Variants in MMRN2 observed in about 807,000 individuals in gnomAD.
The protein encoded by MMRN2 is multimerin-2.
A neutral mutation model predicts 68.8 loss-of-function variants in MMRN2; 53 were observed. The observed-to-expected ratio is 0.77, with a 90% CI of 0.62 to 0.97. The LOEUF (loss-of-function observed/expected upper bound fraction) is 0.97, where lower values mean the gene tolerates loss of function less well. Ranked by LOEUF, MMRN2 falls within the 50% of genes least tolerant of loss-of-function variation. The pLI is 0.00. For missense variants in MMRN2, 1,266 were observed against 1,259.5 expected, an observed-to-expected ratio of 1.01 and a Z score of -0.08; for synonymous variants, 564 against 551.6, an observed-to-expected ratio of 1.02 and a Z score of -0.32.
intron 1 of MMRN2, among the ~76,000 whole-genome samples, chr10:86,950,129 G>A (rs754584011): frequency 6.6e-6 from 1 of 152,074 alleles, no homozygotes; most frequent in African/African-American, 2.4e-5. Flanking sequence ...GGCGGATCAC[G>A]ACGTCAGGAG....
At chr10:86,954,404 C>T (rs950331115) in intron 1 of MMRN2, 1 of 152,628 alleles carries the variant, frequency 6.6e-6, no homozygotes, top group African/African-American at 2.4e-5. Context: ...CAAGGCCCTT[C>T]CCCCATCATC....
Position 86,943,044 on chromosome 10 carries a change from C to A in MMRN2, c.1740G>T (p.Ala580=), listed in dbSNP as rs1356831537. 6.6e-6 allele frequency: 9 copies of A among 1,359,170 alleles called. No homozygotes were observed. Among genetic ancestry groups the A allele is most frequent in the Non-Finnish European group, 8.5e-6 (9 of 1,060,154 alleles). The allele number at this position is 1,359,170 out of a possible 1,614,324, so 84.2% of individuals were successfully genotyped here. A position where few individuals can be genotyped will look rare whatever the true frequency, so the allele number is the denominator to read the frequency against. Residue 580 remains alanine (A), a synonymous_variant, in exon 6 of 7, where the codon GCG becomes GCT. Transcript: ENST00000372027. The surrounding 1 kb of genome is among the most constrained non-coding windows in gnomAD (Gnocchi z 4.2). ...CCTCGTGGCGGGCCTCGGCCGCGGC[C>A]GCCTTCAGCGCGCCCACCTCGTCAT... ...ALDDEVGALK[A]AAAEARHEVR...
chr10:86,956,489 G>A (rs11816047), intron 1 of MMRN2, among the ~76,000 whole-genome samples: 1,926 of 152,314 alleles, frequency 0.013, 32 homozygotes, highest in African/African-American at 0.045. Flanking sequence ...CAGGTCTGGT[G>A]TGTGGGGGCA....
chr10:86,945,310 G>A (rs1467905617), intron 3 of MMRN2, 42 bp from the exon 4 acceptor site: 1 of 1,610,690 alleles, frequency 6.2e-7, no homozygotes, highest in Middle Eastern at 1.7e-4. Flanking sequence ...GTGGTCAGAG[G>A]AGCTGCTTGA....
At chr10:86,948,100 C>T (rs1225303123) in intron 1 of MMRN2, among the ~76,000 whole-genome samples, 1 of 151,986 alleles carries the variant, frequency 6.6e-6, no homozygotes, top group African/African-American at 2.4e-5. Context: ...GTGGCGCATG[C>T]CTGTAGTCCC....
chr10:86,940,311 G>A (rs934426332), intron 6 of MMRN2, among the ~76,000 whole-genome samples: 1 of 152,098 alleles, frequency 6.6e-6, no homozygotes, highest in African/African-American at 2.4e-5. Context: ...CGCCCGGCCT[G>A]GAAATTTGTT....
intron 1 of MMRN2, chr10:86,954,116 G>A (rs999808191): frequency 2.6e-5 from 4 of 152,632 alleles, no homozygotes; most frequent in African/African-American, 9.7e-5. Flanking sequence ...ACTTGCTGAA[G>A]TGCCCATTTT....
At chr10:86,938,831 T>C (rs1306396953) in intron 6 of MMRN2, among the ~76,000 whole-genome samples, 1 of 152,252 alleles carries the variant, frequency 6.6e-6, no homozygotes, top group Non-Finnish European at 1.5e-5. Context: ...TTTCTGAGAA[T>C]TAGACAGCTG....
Position 86,936,399 on chromosome 10 carries a change from G to A in MMRN2, c.*344C>T. 2.1e-6 allele frequency: 1 copy of A among 468,306 alleles called. No homozygotes were observed. 29.0% of individuals were successfully genotyped at this position (468,306 alleles called of 1,614,324 possible). ...GAAAAGTTTAAAGTGTTGTACAGAA[G>A]TTTCCAACCACAGGAGGAGCAAAAC... On this transcript the variant is annotated 3_prime_UTR_variant, in exon 7 of 7. Coordinates refer to ENST00000372027, the MANE Select transcript of MMRN2 (RefSeq NM_024756.3).
chr10:86,956,523 G>C (rs1035964974), intron 1 of MMRN2, among the ~76,000 whole-genome samples: 4 of 152,244 alleles, frequency 2.6e-5, no homozygotes, highest in East Asian at 1.9e-4. Flanking sequence ...AGGAGCATCT[G>C]GGGGCTGGGG....
rs769608342 is a variant in MMRN2 at position 86,942,663 on chromosome 10, G to A, written c.2121C>T (p.Asp707=). 4.4e-6 allele frequency: 7 copies of A among 1,595,098 alleles called. No homozygotes were observed. The highest frequency in any genetic ancestry group is 5.9e-6 in the Non-Finnish European group (7 of 1,177,684). ...CGCAGCACCGCCCGACATTCTTGAC[G>A]TCGTTGCTCAGGCTCTGGAGCTCCC... The part of the protein sequence containing the change: ...LARELQSLSN[D]VKNVGRCCEA... The change falls in exon 6 of 7, where the codon GAC becomes GAT. Residue 707 remains aspartate, a synonymous_variant. Coordinates refer to ENST00000372027, the MANE Select transcript of MMRN2 (RefSeq NM_024756.3).
Position 86,937,619 on chromosome 10 carries a change from C to CA in MMRN2, c.2468-495dup, listed in dbSNP as rs370334672. 3.0e-3 allele frequency among the ~76,000 whole-genome samples: 460 copies of CA among 152,244 alleles called. 2 individuals are homozygous for CA. The highest frequency in any genetic ancestry group is 0.01 in the African/African-American group (423 of 41,546). On this transcript the variant is annotated intron_variant, in intron 6 of 6. Transcript: ENST00000372027. ...TTTCTCGTTTGATCCCTTTTCCTTCCAACTTCCTTGAGAGACAGTATCCCT... is the reference window on the plus strand; with the variant it reads ...TTTCTCGTTTGATCCCTTTTCCTTCCAAACTTCCTTGAGAGACAGTATCCCT...
rs910803771 is a variant in MMRN2 at position 86,937,104 on chromosome 10, G to A, written c.2489C>T (p.Ala830Val). 1 of 1,614,050 alleles carries A rather than the reference G, an allele frequency of 6.2e-7. No individual in the cohort carries two copies. The highest frequency in any genetic ancestry group is 8.5e-7 in the Non-Finnish European group (1 of 1,180,030). Reference sequence around the variant, plus strand: ...GGCAGCCGTCCCTTCTGAAAAGCTGGCATAGAAGGCCACAGGGGATCCTGA... The same window carrying A: ...GGCAGCCGTCCCTTCTGAAAAGCTGACATAGAAGGCCACAGGGGATCCTGA... Reference protein sequence around the residue: ...WEAGSPVAFYASFSEGTAALQ... With the variant: ...WEAGSPVAFYVSFSEGTAALQ... The change falls in exon 7 of 7, where the codon GCC becomes GTC. Residue 830 changes from alanine (A) to valine (V), a missense_variant. Transcript: ENST00000372027.
intron 1 of MMRN2, among the ~76,000 whole-genome samples, chr10:86,956,079 A>G (rs1461391867): frequency 6.6e-6 from 1 of 151,974 alleles, no homozygotes; most frequent in East Asian, 1.9e-4. Context: ...CCTGAGACTA[A>G]GGCGTGGAGC....
intron 1 of MMRN2, among the ~76,000 whole-genome samples, chr10:86,950,121 C>T (rs1013156181): frequency 6.6e-5 from 10 of 151,992 alleles, no homozygotes; most frequent in African/African-American, 1.2e-4. Context: ...CCGAAGCAGG[C>T]GGATCACGAC....
intron 1 of MMRN2, among the ~76,000 whole-genome samples, chr10:86,951,865 T>C (rs1174464931): frequency 6.6e-6 from 1 of 152,076 alleles, no homozygotes; most frequent in Non-Finnish European, 1.5e-5. Context: ...CTGGGCAACA[T>C]GGCACAACCC....
Position 86,944,349 on chromosome 10 carries a change from G to C in MMRN2, c.568C>G (p.Arg190Gly). ...AGGCCTGGCAGGCTGTCTGCCACCCGGTGCACATCATTCTGGAGATCTCCC... is the reference window on the plus strand; with the variant it reads ...AGGCCTGGCAGGCTGTCTGCCACCCCGTGCACATCATTCTGGAGATCTCCC... The part of the protein sequence containing the change: ...LLGDLQNDVH[R>G]VADSLPGLWK... Residue 190 changes from arginine to glycine, a missense_variant, in exon 5 of 7, where the codon CGG (arginine) becomes GGG (glycine). By Grantham distance (125) the Arg-to-Gly change is moderately radical. Transcript: ENST00000372027. 6.2e-7 allele frequency: 1 copy of C among 1,613,950 alleles called. No homozygotes were observed. The highest frequency in any genetic ancestry group is 8.5e-7 in the Non-Finnish European group (1 of 1,180,016).
At chr10:86,939,516 G>C (rs761219297) in intron 6 of MMRN2, among the ~76,000 whole-genome samples, 1 of 148,412 alleles carries the variant, frequency 6.7e-6, no homozygotes, top group Non-Finnish European at 1.5e-5. Context: ...GTCAGAGGCC[G>C]GCGGCTGCCT....
At chr10:86,951,162 A>G (rs1844139280) in intron 1 of MMRN2, among the ~76,000 whole-genome samples, 1 of 152,232 alleles carries the variant, frequency 6.6e-6, no homozygotes. Flanking sequence ...ACAGAGGTAA[A>G]TGCAAAAGAA....
Sources: gnomAD v4.1 joint callset for allele counts (sites outside exome capture counted in the v4.1 genomes callset) on GRCh38, gnomAD v4.1.1 for gene constraint, Gnocchi (gnomAD v3.1) non-coding constraint, MANE v1.5 for transcripts, NCBI Gene and HGNC (gene_info 2026-07-23, HGNC 2026-07-21) for gene names.